RBFOX1: variants seen among roughly 807,000 people sequenced by gnomAD.
The protein encoded by RBFOX1 is RNA binding protein fox-1 homolog 1.
In RBFOX1, 8 loss-of-function variants were observed where a neutral mutation model predicts 57.7. The observed-to-expected ratio is 0.14, with a 90% CI of 0.08 to 0.25. The LOEUF is 0.25. Ranked by LOEUF, RBFOX1 falls within the 10% of genes least tolerant of loss-of-function variation. The pLI is 1.00. For missense variants in RBFOX1, 611 were observed against 548.5 expected (o/e 1.11, Z -1.14); for synonymous variants, 326 against 222.4 (o/e 1.47, Z -4.15).
At chr16:5,862,077 G>A (rs1409441502) in intron 3 of RBFOX1, among the ~76,000 whole-genome samples, 1 of 152,156 alleles carries the variant, frequency 6.6e-6, no homozygotes, top group African/African-American at 2.4e-5. Flanking sequence ...CCACATGTGT[G>A]TCATTCATTT....
intron 1 of RBFOX1, among the ~76,000 whole-genome samples, chr16:6,064,813 T>G (rs759222068): frequency 1.3e-5 from 2 of 152,146 alleles, no homozygotes; most frequent in African/African-American, 2.4e-5. Context: ...AATATGCCCC[T>G]GGATCTTGCC....
intron 2 of RBFOX1, among the ~76,000 whole-genome samples, chr16:6,547,639 T>G (rs2096914697): frequency 1.3e-5 from 2 of 152,246 alleles, no homozygotes; most frequent in South Asian, 4.2e-4. Context: ...CTTACAGACT[T>G]CTAGAAATAT....
intron 3 of RBFOX1, among the ~76,000 whole-genome samples, chr16:5,679,823 T>C (rs1302136501): frequency 6.6e-6 from 1 of 152,216 alleles, no homozygotes; most frequent in East Asian, 1.9e-4. Context: ...TTCTGTCTCC[T>C]TTATAATTAA....
intron 2 of RBFOX1, among the ~76,000 whole-genome samples, chr16:6,497,401 T>C: frequency 6.6e-6 from 1 of 152,110 alleles, no homozygotes; most frequent in East Asian, 1.9e-4. Context: ...TCAGCTACTT[T>C]TCCCACTCTG....
intron 1 of RBFOX1, among the ~76,000 whole-genome samples, chr16:6,146,542 A>G (rs2096759762): frequency 6.6e-6 from 1 of 152,122 alleles, no homozygotes; most frequent in Admixed American, 6.5e-5. Context: ...CCTCCTCTGG[A>G]TGGCTTCCCA....
In RBFOX1 at chr16:5,484,675, G is replaced by A. The variant is rs1597252697; in HGVS notation, c.258+17421G>A. Among the ~76,000 whole-genome samples the A allele has an allele frequency of 2.0e-5, 3 of 152,282 alleles. 1 individual carries two copies. The highest frequency in any genetic ancestry group is 2.0e-4 in the Admixed American group (3 of 15,304). On this transcript the variant is annotated intron_variant, in intron 2 of 2. Transcript: ENST00000585867. The stretch of plus-strand genomic sequence containing the variant: ...CACCTGTAATTCCAGCACTTTGGGA[G>A]ACTGAGGCGGGCGGGTCATGAGGTC...
intron 1 of RBFOX1, among the ~76,000 whole-genome samples, chr16:6,146,188 G>T (rs976966785): frequency 6.6e-6 from 1 of 152,156 alleles, no homozygotes; most frequent in African/African-American, 2.4e-5. Flanking sequence ...CTGTGGGAGG[G>T]GGTGGAGGCA....
At chr16:7,672,517 T>A (rs1012708303) in intron 13 of RBFOX1, among the ~76,000 whole-genome samples, 1 of 152,082 alleles carries the variant, frequency 6.6e-6, no homozygotes, top group Non-Finnish European at 1.5e-5. Context: ...TGAGATGAAC[T>A]TTCACTGTCA....
chr16:6,811,453 T>C (rs1465793877), intron 3 of RBFOX1, among the ~76,000 whole-genome samples: 1 of 152,232 alleles, frequency 6.6e-6, no homozygotes, highest in Non-Finnish European at 1.5e-5. Flanking sequence ...TTTTCCTCTA[T>C]GAATATTGTA....
chr16:7,270,983 T>C (rs1355472217), intron 4 of RBFOX1, among the ~76,000 whole-genome samples: 2 of 152,178 alleles, frequency 1.3e-5, no homozygotes, highest in African/African-American at 4.8e-5. Context: ...AAGACACACA[T>C]GTGCAAGTTG....
At chr16:7,196,022 A>T (rs1212967942) in intron 4 of RBFOX1, among the ~76,000 whole-genome samples, 1 of 152,138 alleles carries the variant, frequency 6.6e-6, no homozygotes, top group Non-Finnish European at 1.5e-5. Flanking sequence ...TGAAAAAAAA[A>T]ATGTGAGTAT....
At chr16:6,831,632 G>T (rs1285118532) in intron 3 of RBFOX1, among the ~76,000 whole-genome samples, 7 of 152,122 alleles carry the variant, frequency 4.6e-5, no homozygotes, top group African/African-American at 1.7e-4. Flanking sequence ...GTCCTCAAAT[G>T]GAAGGGTTTT....
intron 1 of RBFOX1, among the ~76,000 whole-genome samples, chr16:5,400,046 C>G (rs1266811408): frequency 6.6e-6 from 1 of 152,068 alleles, no homozygotes; most frequent in African/African-American, 2.4e-5. Context: ...GGAGCTGACA[C>G]TCATCATTCC....
chr16:6,421,682 C>G (rs747418374), intron 2 of RBFOX1, among the ~76,000 whole-genome samples: 3 of 152,132 alleles, frequency 2.0e-5, no homozygotes, highest in Non-Finnish European at 2.9e-5. Flanking sequence ...TTAGATCACA[C>G]ACACAAAAAA....
intron 3 of RBFOX1, among the ~76,000 whole-genome samples, chr16:6,966,809 GTCTGTCTGTCTATCTA>G (rs1568128985): frequency 4.0e-5 from 6 of 148,352 alleles, no homozygotes; most frequent in East Asian, 2.0e-4. Flanking sequence ...CTGTCTGTCT[GTCTGTCTGTCTATCTA>G]TCTGTCTATC....
At chr16:6,953,692 C>G (rs572094812) in intron 3 of RBFOX1, among the ~76,000 whole-genome samples, 2 of 152,100 alleles carry the variant, frequency 1.3e-5, no homozygotes, top group East Asian at 1.9e-4. Context: ...CAGCCTCACA[C>G]GCACACGATA....
chr16:6,859,880 G>C (rs987420827), intron 3 of RBFOX1, among the ~76,000 whole-genome samples: 3 of 152,132 alleles, frequency 2.0e-5, no homozygotes, highest in African/African-American at 7.2e-5. Context: ...CTTTGAGTTA[G>C]AGGAATGCAT....
intron 1 of RBFOX1, among the ~76,000 whole-genome samples, chr16:5,392,049 T>C (rs9925660): frequency 0.33 from 49,844 of 151,766 alleles, 8,678 homozygotes; most frequent in East Asian, 0.63. Context: ...CCAAACATCA[T>C]ATATTCTAAC....
intron 1 of RBFOX1, among the ~76,000 whole-genome samples, chr16:5,420,483 C>A (rs1053685152): frequency 6.6e-6 from 1 of 152,092 alleles, no homozygotes; most frequent in Non-Finnish European, 1.5e-5. Context: ...TACACACAGA[C>A]TGCATCCACT....
Sources: gnomAD v4.1 joint callset for allele counts (sites outside exome capture counted in the v4.1 genomes callset) on GRCh38, gnomAD v4.1.1 for gene constraint, MANE v1.5 for transcripts, NCBI Gene and HGNC (gene_info 2026-07-23, HGNC 2026-07-21) for gene names.